The following MGAT3 variants were observed in gnomAD, a reference collection of about 807,000 sequenced individuals.
The protein encoded by MGAT3 is beta-1,4-mannosyl-glycoprotein 4-beta-N-acetylglucosaminyltransferase.
In MGAT3, 9 loss-of-function variants were observed where a neutral mutation model predicts 29.8. The observed-to-expected ratio is 0.30, with a 90% confidence interval of 0.18 to 0.53. The LOEUF is 0.53. MGAT3 is among the 20% of genes least tolerant of loss of function. The pLI is 0.96. For missense variants in MGAT3, 557 were observed against 769.5 expected, an observed-to-expected ratio of 0.72 and a Z score of 3.27; for synonymous variants, 397 against 348.9, an observed-to-expected ratio of 1.14 and a Z score of -1.54.
chr22:39,489,496 G>A lies in MGAT3; in HGVS notation c.*547G>A, dbSNP rs1004855757. 5.7e-6 allele frequency: 1 copy of A among 176,066 alleles called. No individual in the cohort carries two copies. The highest frequency in any genetic ancestry group is 2.4e-5 in the African/African-American group (1 of 41,480). The allele number at this position is 176,066 out of a possible 1,614,324, so 10.9% of individuals were successfully genotyped here. The stretch of plus-strand genomic sequence containing the variant: ...CATCCTACCAAGAGGAGGTGCTGAG[G>A]GATGCTTTGCAGTGTAGTCAGAAGT... On this transcript the variant is annotated 3_prime_UTR_variant, in exon 2 of 2. Coordinates refer to ENST00000341184, the MANE Select transcript of MGAT3 (RefSeq NM_002409.5).
intron 1 of MGAT3, among the ~76,000 whole-genome samples, chr22:39,482,876 C>T (rs751193565): frequency 3.3e-5 from 5 of 152,160 alleles, no homozygotes; most frequent in Non-Finnish European, 7.3e-5. Flanking sequence ...CCTGAAGGCT[C>T]CAGTGACTGA....
Position 39,488,949 on chromosome 22 carries a change from G to A in MGAT3, c.1602G>A (p.Ter534=). The A allele has an allele frequency of 6.2e-7, 1 of 1,603,812 alleles. No homozygotes were observed. Among genetic ancestry groups the A allele is most frequent in the Non-Finnish European group, 8.5e-7 (1 of 1,176,054 alleles). Residue 534 remains the stop codon, a stop_retained_variant, in exon 2 of 2, where the codon TAG becomes TAA. Coordinates refer to ENST00000341184, the MANE Select transcript of MGAT3 (RefSeq NM_002409.5). The stretch of plus-strand genomic sequence containing the variant: ...GCAAACTGGACGAGGCGGAAGTCTA[G>A]AGCTGCATGATCTGATAGGGTTTGT... ...ARGKLDEAEV[*]
In MGAT3 at chr22:39,489,306, T is replaced by A; in HGVS notation, c.*357T>A. 3.4e-6 allele frequency: 1 copy of A among 297,830 alleles called. No individual in the cohort carries two copies. The highest frequency in any genetic ancestry group is 6.7e-6 in the Non-Finnish European group (1 of 149,822). The allele number at this position is 297,830 out of a possible 1,614,324, so 18.4% of individuals were successfully genotyped here. On this transcript the variant is annotated 3_prime_UTR_variant, in exon 2 of 2. Coordinates refer to ENST00000341184, the MANE Select transcript of MGAT3 (RefSeq NM_002409.5). ...GCCTGCAGGATCTCACCAGGCAGCCTCTGGGGGGTGGCCAGGCCGGGAAAA... is the reference window on the plus strand; with the variant it reads ...GCCTGCAGGATCTCACCAGGCAGCCACTGGGGGGTGGCCAGGCCGGGAAAA...
chr22:39,472,150 G>C (rs1303261518), intron 1 of MGAT3, among the ~76,000 whole-genome samples: 1 of 152,092 alleles, frequency 6.6e-6, no homozygotes, highest in Non-Finnish European at 1.5e-5. Flanking sequence ...CCTTGGGCTT[G>C]GAGCCAGCAG....
Position 39,488,184 on chromosome 22 carries a change from C to T in MGAT3, c.837C>T (p.Pro279=), listed in dbSNP as rs1270793072. 7 of 1,612,934 alleles carry T rather than the reference C, an allele frequency of 4.3e-6. No individual in the cohort carries two copies. The highest frequency in any genetic ancestry group is 1.7e-5 in the Admixed American group (1 of 60,010). ...VLYVFLDHFP[P]GGRQDGWIAD... ...ATGTCTTCCTGGACCACTTCCCGCC[C>T]GGCGGCCGGCAGGACGGCTGGATCG... Residue 279 remains proline (P), a synonymous_variant, in exon 2 of 2, where the codon CCC becomes CCT. Coordinates refer to ENST00000341184, the MANE Select transcript of MGAT3 (RefSeq NM_002409.5).
intron 1 of MGAT3, among the ~76,000 whole-genome samples, chr22:39,480,880 A>G (rs981210400): frequency 2.0e-5 from 3 of 152,230 alleles, no homozygotes; most frequent in African/African-American, 7.2e-5. Context: ...CAAATCCAGC[A>G]GAATCTGAGC....
At chr22:39,467,494 G>A (rs1051988405) in intron 1 of MGAT3, among the ~76,000 whole-genome samples, 13 of 152,170 alleles carry the variant, frequency 8.5e-5, no homozygotes, top group Non-Finnish European at 1.6e-4. Context: ...GAGCCCCAAA[G>A]AGTGATGAGG....
chr22:39,460,254 A>G (rs895915101), intron 1 of MGAT3, among the ~76,000 whole-genome samples: 15 of 152,330 alleles, frequency 9.8e-5, no homozygotes, highest in African/African-American at 3.1e-4. Context: ...GGTAGGGGTA[A>G]TAATTTACTG....
rs1239842294 is a variant in MGAT3 at position 39,459,589 on chromosome 22, G to C, written c.-2+2032G>C. Among the ~76,000 whole-genome samples, 3 of 151,680 alleles carry C rather than the reference G, an allele frequency of 2.0e-5. No homozygotes were observed. The South Asian group carries it at 6.3e-4, about 32-fold the overall frequency. Reference sequence around the variant, plus strand: ...AGGGATCCTTCTGCCCCAACCTCCTGGGTAGCTAGGACTACAGGCGTGAGC... The same window carrying C: ...AGGGATCCTTCTGCCCCAACCTCCTCGGTAGCTAGGACTACAGGCGTGAGC... On this transcript the variant is annotated intron_variant, in intron 1 of 1. Transcript: ENST00000341184.
In MGAT3 at chr22:39,491,958, T is replaced by C; in HGVS notation, c.*3009T>C. The C allele has an allele frequency of 6.0e-6, 1 of 166,908 alleles. No individual in the cohort carries two copies. 10.3% of individuals were successfully genotyped at this position (166,908 alleles called of 1,614,324 possible). A position where few individuals can be genotyped will look rare whatever the true frequency, so the allele number is the denominator to read the frequency against. ...TCCCAGGGGCAGCATGGGAGATCTT[T>C]GGGGGCAACAGGGAGAGTCTGGGTG... On this transcript the variant is annotated 3_prime_UTR_variant, in exon 2 of 2. Coordinates refer to ENST00000341184, the MANE Select transcript of MGAT3 (RefSeq NM_002409.5). The surrounding 1 kb of genome is among the most constrained non-coding windows in gnomAD (Gnocchi z 5.5).
At position 39,487,221 on chromosome 22, in the gene MGAT3, G is replaced by A. The variant is rs1929299386; in HGVS notation, c.-1-126G>A. Reference sequence around the variant, plus strand: ...TCTTGGGGGCAGGAGGTCACTCCATGCAGGGGCAGCAGGTGCTGGCCACCA... The same window carrying A: ...TCTTGGGGGCAGGAGGTCACTCCATACAGGGGCAGCAGGTGCTGGCCACCA... On this transcript the variant is annotated intron_variant, in intron 1 of 1. Transcript: ENST00000341184. The surrounding 1 kb of genome is among the most constrained non-coding windows in gnomAD (Gnocchi z 5.7). The A allele has an allele frequency of 3.0e-6, 3 of 1,013,894 alleles. No individual in the cohort carries two copies. Among genetic ancestry groups the A allele is most frequent in the Non-Finnish European group, 4.4e-6 (3 of 688,288 alleles). 62.8% of individuals were successfully genotyped at this position (1,013,894 alleles called of 1,614,324 possible). A position where few individuals can be genotyped will look rare whatever the true frequency, so the allele number is the denominator to read the frequency against.
chr22:39,488,586 C>G lies in MGAT3; in HGVS notation c.1239C>G (p.His413Gln). 1 of 1,613,284 alleles carries G rather than the reference C, an allele frequency of 6.2e-7. No individual in the cohort carries two copies. The highest frequency in any genetic ancestry group is 8.5e-7 in the Non-Finnish European group (1 of 1,180,016). The change falls in exon 2 of 2, where the codon CAC (histidine) becomes CAG (glutamine). Residue 413 changes from histidine (H) to glutamine (Q), a missense_variant. Physicochemically the swap from His to Gln is conservative, Grantham distance 24. Coordinates refer to ENST00000341184, the MANE Select transcript of MGAT3 (RefSeq NM_002409.5). ...AGTGGTCGCTGGGCAGCCCCCTGCA[C>G]TTCGCCGGCTGGCACTGCTCCTGGT... ...LVQWSLGSPL[H>Q]FAGWHCSWCF...
At chr22:39,476,429 A>G (rs1928965699) in intron 1 of MGAT3, 1 of 152,256 alleles carries the variant, frequency 6.6e-6, no homozygotes, top group Non-Finnish European at 1.5e-5. Flanking sequence ...TTCTTCATCC[A>G]TGGGTGGGCA....
rs1217992021 is a variant in MGAT3 at position 39,488,373 on chromosome 22, C to T, written c.1026C>T (p.Phe342=). ...LYDGWTEPFA[F]HMRKSLYGFF... ...ATGGCTGGACCGAGCCCTTCGCCTT[C>T]CACATGCGCAAGTCGCTCTACGGCT... The change falls in exon 2 of 2, where the codon TTC becomes TTT. Residue 342 remains phenylalanine, a synonymous_variant. Transcript: ENST00000341184. The T allele has an allele frequency of 6.2e-7, 1 of 1,612,958 alleles. No individual in the cohort carries two copies. The highest frequency in any genetic ancestry group is 8.5e-7 in the Non-Finnish European group (1 of 1,180,028).
intron 1 of MGAT3, chr22:39,486,163 T>A (rs867425385): frequency 1.1e-4 from 41 of 389,506 alleles, no homozygotes; most frequent in Middle Eastern, 1.2e-3. Flanking sequence ...TTTTTTTTTT[T>A]AGATGGAGTC....
chr22:39,488,181 G>T lies in MGAT3; in HGVS notation c.834G>T (p.Pro278=). 6.2e-7 allele frequency: 1 copy of T among 1,613,030 alleles called. No homozygotes were observed. ...TCTATGTCTTCCTGGACCACTTCCC[G>T]CCCGGCGGCCGGCAGGACGGCTGGA... ...KVLYVFLDHF[P]PGGRQDGWIA... is the part of the protein sequence containing the mutation. Residue 278 remains proline, a synonymous_variant, in exon 2 of 2, where the codon CCG becomes CCT. Coordinates refer to ENST00000341184, the MANE Select transcript of MGAT3 (RefSeq NM_002409.5).
Position 39,487,646 on chromosome 22 carries a change from T to C in MGAT3, c.299T>C (p.Leu100Pro). 6.2e-7 allele frequency: 1 copy of C among 1,610,838 alleles called. No individual in the cohort carries two copies. The highest frequency in any genetic ancestry group is 8.5e-7 in the Non-Finnish European group (1 of 1,178,884). Reference sequence around the variant, plus strand: ...GAGCTCCACCGGGTGGACTTGGTGCTGCCCGAGGACACCACCGAGTATTTC... The same window carrying C: ...GAGCTCCACCGGGTGGACTTGGTGCCGCCCGAGGACACCACCGAGTATTTC... ...AEELHRVDLV[L>P]PEDTTEYFVR... The change falls in exon 2 of 2, where the codon CTG (leucine) becomes CCG (proline). Residue 100 changes from leucine (L) to proline (P), a missense_variant. By Grantham distance (98) the Leu-to-Pro change is moderately conservative. Coordinates refer to ENST00000341184, the MANE Select transcript of MGAT3 (RefSeq NM_002409.5). The surrounding 1 kb of genome is among the most constrained non-coding windows in gnomAD (Gnocchi z 5.7).
chr22:39,462,494 T>A (rs1928526709), intron 1 of MGAT3, among the ~76,000 whole-genome samples: 1 of 152,228 alleles, frequency 6.6e-6, no homozygotes, highest in Non-Finnish European at 1.5e-5. Flanking sequence ...TCTCCATCCC[T>A]GATGGAAGGG....
At position 39,457,924 on chromosome 22, in the gene MGAT3, C is replaced by T. The variant is rs967286573; in HGVS notation, c.-2+367C>T. Among the ~76,000 whole-genome samples, 21 of 151,620 alleles carry T rather than the reference C, an allele frequency of 1.4e-4. No individual in the cohort carries two copies. Among genetic ancestry groups the T allele is most frequent in the Non-Finnish European group, 2.5e-4 (17 of 67,864 alleles). ...CCCCCAGCCTCCGGCGCGGCTCCCC[C>T]ACAACCTCCGGCGCGGCGCGGGGCT... On this transcript the variant is annotated intron_variant, in intron 1 of 1. Coordinates refer to ENST00000341184, the MANE Select transcript of MGAT3 (RefSeq NM_002409.5). This position sits in a 1 kb window ranked among gnomAD's most constrained non-coding sequence, Gnocchi z 6.8.
Sources: allele counts gnomAD v4.1 joint callset (sites outside exome capture counted in the v4.1 genomes callset), GRCh38; gene constraint gnomAD v4.1.1; non-coding constraint Gnocchi (gnomAD v3.1); transcripts MANE v1.5; gene names NCBI Gene and HGNC (gene_info 2026-07-23, HGNC 2026-07-21).